FMN1: variants seen among roughly 807,000 people sequenced by gnomAD.
The protein encoded by FMN1 is formin-1.
Under a neutral mutation model 132.4 loss-of-function variants are expected in FMN1, and 110 were observed. The observed-to-expected ratio is 0.83, with a 90% confidence interval of 0.71 to 0.97. The LOEUF is 0.97. Ranked by LOEUF, FMN1 falls within the 50% of genes least tolerant of loss-of-function variation. The probability of loss-of-function intolerance (pLI) is 0.00; values close to 1 mark genes in which losing one functional copy is unlikely to be tolerated. For synonymous variants in FMN1, 722 were observed against 651.7 expected (o/e 1.11, Z -1.64); for missense variants, 1,792 against 1,705.3 (o/e 1.05, Z -0.90).
intron 9 of FMN1, among the ~76,000 whole-genome samples, chr15:32,930,754 C>A (rs1025306087): frequency 6.6e-6 from 1 of 151,476 alleles, no homozygotes; most frequent in Admixed American, 6.6e-5. Flanking sequence ...CATGCTATAT[C>A]CAGGAAACAA....
At chr15:33,008,264 T>A (rs1289050644) in intron 6 of FMN1, among the ~76,000 whole-genome samples, 189 bp from the exon 7 acceptor site, 1 of 152,108 alleles carries the variant, frequency 6.6e-6, no homozygotes, top group East Asian at 1.9e-4. Flanking sequence ...TCCTTCCTTT[T>A]AGCAAACGCT....
chr15:32,932,431 C>T (rs2061145327), intron 9 of FMN1, among the ~76,000 whole-genome samples: 1 of 152,112 alleles, frequency 6.6e-6, no homozygotes. Context: ...ATTTTAACAT[C>T]TATATTTGTA....
At chr15:33,123,688 G>A (rs1373640146) in intron 4 of FMN1, among the ~76,000 whole-genome samples, 1 of 152,172 alleles carries the variant, frequency 6.6e-6, no homozygotes, top group East Asian at 1.9e-4. Flanking sequence ...TCCAAGACAT[G>A]AACGTCCCTT....
chr15:33,058,179 G>A (rs2037321554), intron 6 of FMN1, among the ~76,000 whole-genome samples: 1 of 149,156 alleles, frequency 6.7e-6, no homozygotes, highest in South Asian at 2.2e-4. Flanking sequence ...TCTGGAGAAA[G>A]AACACTTGGT....
chr15:32,955,409 C>T (rs1004501826), intron 9 of FMN1, among the ~76,000 whole-genome samples: 9 of 152,114 alleles, frequency 5.9e-5, no homozygotes, highest in Admixed American at 1.3e-4. Context: ...GACTTGCAAC[C>T]GAAGTATACA....
chr15:33,187,614 C>G (rs1965931384), intron 2 of FMN1, among the ~76,000 whole-genome samples: 1 of 152,198 alleles, frequency 6.6e-6, no homozygotes, highest in African/African-American at 2.4e-5. Flanking sequence ...CCACAGATGA[C>G]TACAACTGAG....
chr15:33,109,149 G>A (rs2039600839), intron 4 of FMN1, among the ~76,000 whole-genome samples: 1 of 152,110 alleles, frequency 6.6e-6, no homozygotes, highest in Admixed American at 6.6e-5. Context: ...TCAAGACAAA[G>A]ATGGATACTT....
chr15:32,978,746 A>C (rs1189494408), intron 7 of FMN1, among the ~76,000 whole-genome samples: 1 of 152,204 alleles, frequency 6.6e-6, no homozygotes, highest in Non-Finnish European at 1.5e-5. Context: ...TAGATGCCTC[A>C]CACACTTGTC....
At chr15:32,984,971 C>T (rs1246474810) in intron 7 of FMN1, among the ~76,000 whole-genome samples, 9 of 87,268 alleles carry the variant, frequency 1.0e-4, no homozygotes, top group African/African-American at 4.4e-4. Flanking sequence ...GTTTGTTCAT[C>T]CATCACCAAA....
Position 32,868,489 on chromosome 15 carries a change from TATG to T in FMN1, c.3836-11385_3836-11383del, listed in dbSNP as rs574938120. Among the ~76,000 whole-genome samples, 165 of 152,358 alleles carry T rather than the reference TATG, an allele frequency of 1.1e-3. 2 individuals carry two copies. Among genetic ancestry groups the T allele is most frequent in the South Asian group, 3.7e-3 (18 of 4,830 alleles). On this transcript the variant is annotated intron_variant, in intron 16 of 20. Transcript: ENST00000616417. Reference sequence around the variant, plus strand: ...CATCTATGTTTGTGTAAGTACACTCTATGATGTTTGCACAATGATGATATTGCC... The same window carrying T: ...CATCTATGTTTGTGTAAGTACACTCTATGTTTGCACAATGATGATATTGCC...
At chr15:32,847,581 G>C (rs540505472) in intron 17 of FMN1, among the ~76,000 whole-genome samples, 1 of 152,248 alleles carries the variant, frequency 6.6e-6, no homozygotes, top group East Asian at 1.9e-4. Flanking sequence ...AAGGCCGGGC[G>C]TGGTGGCTCA....
Position 32,890,758 on chromosome 15 carries a change from C to G in FMN1, c.3715-2466G>C, listed in dbSNP as rs376809636. On this transcript the variant is annotated intron_variant, in intron 15 of 20. Transcript: ENST00000616417. ...CTTTGGTTTAACTAAGTCCCAACTACTTATCTTTGTTTTTATTGCATTTGC... is the reference window on the plus strand; with the variant it reads ...CTTTGGTTTAACTAAGTCCCAACTAGTTATCTTTGTTTTTATTGCATTTGC... Among the ~76,000 whole-genome samples the G allele has an allele frequency of 8.7e-4, 132 of 152,260 alleles. No homozygotes were observed. In the South Asian group the frequency reaches 0.026, roughly 30 times the overall value.
intron 7 of FMN1, 149 bp downstream of exon 7, chr15:33,007,865 C>G (rs1290089068): frequency 9.7e-6 from 5 of 515,338 alleles, no homozygotes; most frequent in Non-Finnish European, 1.7e-5. Context: ...ACTTTTCATT[C>G]CCTGTATAGA....
chr15:32,992,309 C>T (rs2033483658), intron 7 of FMN1, among the ~76,000 whole-genome samples: 3 of 152,104 alleles, frequency 2.0e-5, no homozygotes, highest in African/African-American at 7.2e-5. Context: ...GTTTTGCATG[C>T]TGAAAATAAA....
chr15:32,918,746 G>C (rs1359499018), intron 10 of FMN1, among the ~76,000 whole-genome samples: 2 of 152,172 alleles, frequency 1.3e-5, no homozygotes, highest in Non-Finnish European at 2.9e-5. Flanking sequence ...TCGTCCATTA[G>C]TTCTGGTTCT....
intron 17 of FMN1, among the ~76,000 whole-genome samples, chr15:32,839,830 T>C (rs886782747): frequency 2.6e-5 from 4 of 151,390 alleles, no homozygotes; most frequent in Non-Finnish European, 4.4e-5. Flanking sequence ...AACTTAGTCA[T>C]GAAATGGGGA....
intron 16 of FMN1, among the ~76,000 whole-genome samples, chr15:32,859,906 T>C (rs1356100250): frequency 2.0e-5 from 3 of 152,040 alleles, no homozygotes; most frequent in Non-Finnish European, 2.9e-5. Flanking sequence ...GGCATGATGG[T>C]GCATGCCTGT....
intron 7 of FMN1, among the ~76,000 whole-genome samples, chr15:32,980,381 C>T (rs2032559160): frequency 6.6e-6 from 1 of 151,478 alleles, no homozygotes; most frequent in East Asian, 1.9e-4. Context: ...TGCTATGTAA[C>T]CTTAAACTTG....
At chr15:32,943,428 G>A (rs1418875153) in intron 9 of FMN1, among the ~76,000 whole-genome samples, 1 of 152,134 alleles carries the variant, frequency 6.6e-6, no homozygotes, top group African/African-American at 2.4e-5. Flanking sequence ...GCCAAACTAT[G>A]GACATTAAGA....
Sources: allele counts gnomAD v4.1 joint callset (sites outside exome capture counted in the v4.1 genomes callset), GRCh38; gene constraint gnomAD v4.1.1; transcripts MANE v1.5; gene names NCBI Gene and HGNC (gene_info 2026-07-23, HGNC 2026-07-21).